Variants in NCOR2 observed in about 807,000 individuals in gnomAD.
The protein encoded by NCOR2 is CTG repeat protein 26.
In NCOR2, 81 loss-of-function variants were observed where a neutral mutation model predicts 262.9. That is an observed-to-expected ratio of 0.31 (90% CI 0.26 to 0.37). NCOR2 has a LOEUF of 0.37. NCOR2 is among the 10% of genes least tolerant of loss of function. The pLI, the probability that NCOR2 is intolerant of heterozygous loss-of-function variation, is 1.00. For missense variants in NCOR2, 3,385 were observed against 3,621.4 expected (o/e 0.93, Z 1.68); for synonymous variants, 1,659 against 1,559.3 (o/e 1.06, Z -1.51).
At chr12:124,494,493 G>T (rs1310253389) in intron 1 of NCOR2, among the ~76,000 whole-genome samples, 1 of 152,226 alleles carries the variant, frequency 6.6e-6, no homozygotes, top group Non-Finnish European at 1.5e-5. Context: ...GCTGGGAAGT[G>T]GGGTGGGGTG....
chr12:124,501,054 GCACGCGCGCACACACACA>G (rs1566001824), intron 1 of NCOR2, among the ~76,000 whole-genome samples: 2 of 118,738 alleles, frequency 1.7e-5, no homozygotes, highest in African/African-American at 3.6e-5. Context: ...GAGCGCGCGC[GCACGCGCGCACACACACA>G]CACACACACA....
In NCOR2 at chr12:124,486,598, G is replaced by A. The variant is rs114664689; in HGVS notation, c.106-30C>T. On this transcript the variant is annotated intron_variant, in intron 1 of 46. Transcript: ENST00000405201. ...AGGAGGGGACAGAGGAGTGGTGAGCGTGGGCGGGCACGGGCATGGCGGGGC... is the reference window on the plus strand; with the variant it reads ...AGGAGGGGACAGAGGAGTGGTGAGCATGGGCGGGCACGGGCATGGCGGGGC... The A allele has an allele frequency of 5.3e-4, 821 of 1,545,498 alleles. 7 individuals are homozygous for A. The African/African-American group carries it at 9.3e-3, about 17-fold the overall frequency.
At position 124,426,854 on chromosome 12, in the gene NCOR2, G is replaced by T. The variant is rs939097444; in HGVS notation, c.1150-54C>A. ...GGCCCAGGGACGAGGTGCTCCGGCC[G>T]GCGCAGGGGACCCAGGGAAGACACA... On this transcript the variant is annotated intron_variant, in intron 10 of 46. Coordinates refer to ENST00000405201, the Ensembl canonical transcript of NCOR2. 14 of 1,484,514 alleles carry T rather than the reference G, an allele frequency of 9.4e-6. No homozygotes were observed. The African/African-American group carries it at 1.1e-4, about 12-fold the overall frequency. The allele number at this position is 1,484,514 out of a possible 1,614,324, so 92.0% of individuals were successfully genotyped here. A position where few individuals can be genotyped will look rare whatever the true frequency, so the allele number is the denominator to read the frequency against.
At chr12:124,491,071 C>G (rs762023483) in intron 1 of NCOR2, among the ~76,000 whole-genome samples, 6 of 152,240 alleles carry the variant, frequency 3.9e-5, no homozygotes, top group Admixed American at 3.9e-4. Context: ...GCACAGGCCA[C>G]GCCCACTCCC....
At chr12:124,365,131 C>T (rs529541372) in intron 20 of NCOR2, among the ~76,000 whole-genome samples, 1 of 152,296 alleles carries the variant, frequency 6.6e-6, no homozygotes, top group Admixed American at 6.5e-5. Context: ...GACGCAGAAC[C>T]CAGTCTCTGT....
At chr12:124,516,112 A>G (rs772200735) in intron 1 of NCOR2, among the ~76,000 whole-genome samples, 21 of 152,224 alleles carry the variant, frequency 1.4e-4, no homozygotes, top group Non-Finnish European at 2.4e-4. Flanking sequence ...GCCCCATGAC[A>G]ATGAGACAGC....
At chr12:124,375,179 T>C (rs971700815) in intron 18 of NCOR2, among the ~76,000 whole-genome samples, 2 of 152,194 alleles carry the variant, frequency 1.3e-5, no homozygotes, top group African/African-American at 2.4e-5. Context: ...CCTGTGTCCT[T>C]AACCCCTGGC....
At position 124,355,413 on chromosome 12, in the gene NCOR2, A is replaced by T; in HGVS notation, c.3381+19T>A. 1 of 1,612,652 alleles carries T rather than the reference A, an allele frequency of 6.2e-7. No homozygotes were observed. Among genetic ancestry groups the T allele is most frequent in the Non-Finnish European group, 8.5e-7 (1 of 1,179,518 alleles). ...GATAAGAAGACTAAGCCCCCAAGAA[A>T]GGAAGGGCTACCACTCACTTGGGAG... is the stretch of plus-strand genomic sequence containing the variant. On this transcript the variant is annotated intron_variant, in intron 24 of 46. Coordinates refer to ENST00000405201, the Ensembl canonical transcript of NCOR2.
intron 22 of NCOR2, among the ~76,000 whole-genome samples, chr12:124,359,626 A>G (rs2038353864): frequency 6.6e-6 from 1 of 152,228 alleles, no homozygotes; most frequent in Admixed American, 6.5e-5. Flanking sequence ...CTGGCTACCC[A>G]GCCCTGTAAG....
chr12:124,345,692 G>A (rs1260229515), intron 31 of NCOR2, among the ~76,000 whole-genome samples: 2 of 152,176 alleles, frequency 1.3e-5, no homozygotes, highest in Non-Finnish European at 2.9e-5. Flanking sequence ...TGCTTCCAAG[G>A]ACTCCATAAT....
chr12:124,406,024 G>A lies in NCOR2; in HGVS notation c.1483-3463C>T, dbSNP rs60319262. Among the ~76,000 whole-genome samples the A allele has an allele frequency of 2.4e-3, 362 of 152,332 alleles. 2 individuals are homozygous for A. Among genetic ancestry groups the A allele is most frequent in the African/African-American group, 7.5e-3 (310 of 41,568 alleles). On this transcript the variant is annotated intron_variant, in intron 13 of 46. Transcript: ENST00000405201. ...ACCAATGACATCCAAATCTCTGGGCGGAGACCCAGGCGTTCGTATGTTAAA... is the reference window on the plus strand; with the variant it reads ...ACCAATGACATCCAAATCTCTGGGCAGAGACCCAGGCGTTCGTATGTTAAA...
chr12:124,557,216 G>A (rs563839408), intron 1 of NCOR2, among the ~76,000 whole-genome samples: 12 of 152,248 alleles, frequency 7.9e-5, no homozygotes, highest in Non-Finnish European at 1.6e-4. Context: ...TGTGATGGGA[G>A]CTGTGTTCCC....
chr12:124,564,022 T>G (rs2052154118), intron 1 of NCOR2, among the ~76,000 whole-genome samples: 1 of 152,166 alleles, frequency 6.6e-6, no homozygotes, highest in African/African-American at 2.4e-5. Context: ...TAAAATAAGA[T>G]AATAAAAGCA....
intron 10 of NCOR2, among the ~76,000 whole-genome samples, chr12:124,429,130 G>C (rs1384655014): frequency 1.3e-5 from 2 of 152,264 alleles, no homozygotes; most frequent in African/African-American, 4.8e-5. Context: ...AGAAGGTCGT[G>C]GCTGCGTGGA....
intron 13 of NCOR2, among the ~76,000 whole-genome samples, chr12:124,415,172 G>A (rs932526750): frequency 2.0e-5 from 3 of 152,184 alleles, no homozygotes; most frequent in Admixed American, 6.5e-5. Context: ...TTAAGGAGCT[G>A]CAGGTTCTGT....
At chr12:124,399,864 C>A (rs1322688399) in intron 15 of NCOR2, among the ~76,000 whole-genome samples, 1 of 152,156 alleles carries the variant, frequency 6.6e-6, no homozygotes, top group African/African-American at 2.4e-5. Context: ...CTCACATCAT[C>A]TCATTTTTTT....
In NCOR2 at chr12:124,523,323, G is replaced by T. The variant is rs1017201566; in HGVS notation, c.-118+12242C>A. On this transcript the variant is annotated intron_variant, in intron 1 of 46. Transcript: ENST00000404621. This position sits in a 1 kb window ranked among gnomAD's most constrained non-coding sequence, Gnocchi z 4.0. ...CAGCAACTGGCAAGGACGGCTGGGG[G>T]CAGGGGGCAGGTGGCTGCCTGTTCT... Among the ~76,000 whole-genome samples, 5 of 152,302 alleles carry T rather than the reference G, an allele frequency of 3.3e-5. No individual in the cohort carries two copies. Among genetic ancestry groups the T allele is most frequent in the Admixed American group, 3.3e-4 (5 of 15,304 alleles).
At position 124,413,523 on chromosome 12, in the gene NCOR2, C is replaced by T. The variant is rs929750564; in HGVS notation, c.1482+6434G>A. Among the ~76,000 whole-genome samples the T allele has an allele frequency of 3.9e-5, 6 of 152,138 alleles. No individual in the cohort carries two copies. The East Asian group carries it at 5.8e-4, about 15-fold the overall frequency. Reference sequence around the variant, plus strand: ...GGGACACGAGGCAGGAAGGCCCCTGCGAGCGGCCTCTGTCCTGGTGACATG... The same window carrying T: ...GGGACACGAGGCAGGAAGGCCCCTGTGAGCGGCCTCTGTCCTGGTGACATG... On this transcript the variant is annotated intron_variant, in intron 13 of 46. Coordinates refer to ENST00000405201, the Ensembl canonical transcript of NCOR2.
At chr12:124,355,136 C>A in intron 24 of NCOR2, 197 bp from the exon 27 acceptor site, 1 of 617,192 alleles carries the variant, frequency 1.6e-6, no homozygotes, top group Non-Finnish European at 2.8e-6. Flanking sequence ...GCCCTCTGAG[C>A]CCCTTGCATT....
Sources: allele counts gnomAD v4.1 joint callset (sites outside exome capture counted in the v4.1 genomes callset), GRCh38; gene constraint gnomAD v4.1.1; non-coding constraint Gnocchi (gnomAD v3.1); transcripts MANE v1.5; gene names NCBI Gene and HGNC (gene_info 2026-07-23, HGNC 2026-07-21).